Variants in ADCY8 observed in about 807,000 individuals in gnomAD.
ADCY8 encodes the protein adenylate cyclase 8, also known as adenylate cyclase type 8.
A neutral mutation model predicts 119.7 loss-of-function variants in ADCY8; 51 were observed. The observed-to-expected ratio is 0.43, with a 90% CI of 0.34 to 0.54. The LOEUF (loss-of-function observed/expected upper bound fraction) is 0.54. ADCY8 is among the 20% of genes least tolerant of loss of function. The pLI is 0.03. For synonymous variants in ADCY8, 665 were observed against 651.0 expected, an observed-to-expected ratio of 1.02 and a Z score of -0.33; for missense variants, 1,383 against 1,598.8, an observed-to-expected ratio of 0.87 and a Z score of 2.30.
intron 8 of ADCY8, among the ~76,000 whole-genome samples, chr8:130,877,501 C>T (rs114289151): frequency 0.012 from 1,902 of 152,276 alleles, 43 homozygotes; most frequent in African/African-American, 0.043. Flanking sequence ...AGAGTGAACA[C>T]TCTGAGCCAT....
At chr8:130,803,575 A>G (rs1266335100) in intron 14 of ADCY8, among the ~76,000 whole-genome samples, 1 of 152,244 alleles carries the variant, frequency 6.6e-6, no homozygotes, top group Non-Finnish European at 1.5e-5. Flanking sequence ...TTCGTAGGAA[A>G]CATGAAACCT....
chr8:130,905,515 T>C (rs891833828), intron 6 of ADCY8, among the ~76,000 whole-genome samples: 19 of 152,224 alleles, frequency 1.2e-4, no homozygotes, highest in Non-Finnish European at 1.5e-5. Context: ...AATATTTTGA[T>C]TGGCTTTTGG....
At chr8:130,844,391 A>G (rs1817236889) in intron 11 of ADCY8, among the ~76,000 whole-genome samples, 1 of 152,130 alleles carries the variant, frequency 6.6e-6, no homozygotes, top group Non-Finnish European at 1.5e-5. Flanking sequence ...GAACCAAGTT[A>G]TACTTTATAT....
intron 12 of ADCY8, among the ~76,000 whole-genome samples, chr8:130,834,464 T>C (rs1268373581): frequency 6.6e-6 from 1 of 152,176 alleles, no homozygotes; most frequent in Non-Finnish European, 1.5e-5. Flanking sequence ...GTCAGTCACA[T>C]TGGAGAGCAA....
chr8:130,977,580 A>G (rs1178290468), intron 2 of ADCY8, among the ~76,000 whole-genome samples: 2 of 152,246 alleles, frequency 1.3e-5, no homozygotes, highest in Admixed American at 1.3e-4. Flanking sequence ...ATAAATATGG[A>G]CTACACCACT....
At chr8:130,974,009 T>A (rs1821998191) in intron 2 of ADCY8, among the ~76,000 whole-genome samples, 2 of 152,306 alleles carry the variant, frequency 1.3e-5, no homozygotes, top group South Asian at 4.1e-4. Context: ...TTGGTAAGCT[T>A]GACACACAAG....
intron 5 of ADCY8, among the ~76,000 whole-genome samples, chr8:130,922,666 C>G (rs925269083): frequency 6.6e-6 from 1 of 152,148 alleles, no homozygotes; most frequent in Non-Finnish European, 1.5e-5. Flanking sequence ...ACCTTCCCCC[C>G]TTTCTATTCC....
At chr8:130,801,795 C>T (rs925319691) in intron 14 of ADCY8, among the ~76,000 whole-genome samples, 1 of 152,016 alleles carries the variant, frequency 6.6e-6, no homozygotes. Context: ...TGGACACCTG[C>T]AGATTGGTGT....
chr8:130,800,389 C>G, intron 15 of ADCY8, 37 bp downstream of exon 15: 1 of 1,612,732 alleles, frequency 6.2e-7, no homozygotes, highest in South Asian at 1.1e-5. Flanking sequence ...ACAACGATGC[C>G]CATTTGTGAT....
At chr8:130,840,654 G>A (rs544010565) in intron 11 of ADCY8, among the ~76,000 whole-genome samples, 1 of 152,174 alleles carries the variant, frequency 6.6e-6, no homozygotes, top group African/African-American at 2.4e-5. Context: ...ATTTCCTTTT[G>A]TAATGTCCTT....
chr8:130,840,660 T>C (rs1563686686), intron 11 of ADCY8, among the ~76,000 whole-genome samples: 1 of 152,214 alleles, frequency 6.6e-6, no homozygotes, highest in Non-Finnish European at 1.5e-5. Flanking sequence ...TTTTGTAATG[T>C]CCTTTAGTTT....
At chr8:130,805,178 A>G (rs2130129350) in intron 14 of ADCY8, among the ~76,000 whole-genome samples, 1 of 152,364 alleles carries the variant, frequency 6.6e-6, no homozygotes, top group Non-Finnish European at 1.5e-5. Flanking sequence ...ACAATGCAAA[A>G]GATTGCACAT....
chr8:130,809,727 C>T lies in ADCY8; in HGVS notation c.2913+4342G>A, dbSNP rs566165602. ...GAATACATGTCCTTCTGGCTTAATA[C>T]GTTGGGATTTTCCCACTAGGTCACA... is the stretch of plus-strand genomic sequence containing the variant. On this transcript the variant is annotated intron_variant, in intron 14 of 17. Coordinates refer to ENST00000286355, the MANE Select transcript of ADCY8 (RefSeq NM_001115.3). Among the ~76,000 whole-genome samples, 7 of 152,294 alleles carry T rather than the reference C, an allele frequency of 4.6e-5. No individual in the cohort carries two copies. In the East Asian group the frequency reaches 5.8e-4, roughly 13 times the overall value.
chr8:131,038,361 G>A (rs1329798), intron 1 of ADCY8, among the ~76,000 whole-genome samples: 91,475 of 152,052 alleles, frequency 0.6, 29,427 homozygotes, highest in African/African-American at 0.84. Context: ...CCAGCCATCT[G>A]TTTGAAAACA....
chr8:130,794,254 G>C (rs1475049378), intron 15 of ADCY8, among the ~76,000 whole-genome samples: 2 of 147,986 alleles, frequency 1.4e-5, no homozygotes, highest in East Asian at 4.9e-4. Flanking sequence ...TTGTTCGTTT[G>C]TTTGTTTTGA....
chr8:130,828,310 G>A lies in ADCY8; in HGVS notation c.2676-6890C>T, dbSNP rs575482843. ...ATATAGCTCAAGGGAAGGCGTACTTGTGATTTTTGAGGAACAGAGGGTCCC... is the reference window on the plus strand; with the variant it reads ...ATATAGCTCAAGGGAAGGCGTACTTATGATTTTTGAGGAACAGAGGGTCCC... On this transcript the variant is annotated intron_variant, in intron 12 of 17. Coordinates refer to ENST00000286355, the MANE Select transcript of ADCY8 (RefSeq NM_001115.3). 2.0e-5 allele frequency among the ~76,000 whole-genome samples: 3 copies of A among 152,340 alleles called. No homozygotes were observed. In the East Asian group the frequency reaches 5.8e-4, roughly 29 times the overall value.
chr8:130,943,075 T>C (rs1006561865), intron 4 of ADCY8, among the ~76,000 whole-genome samples: 11 of 152,142 alleles, frequency 7.2e-5, no homozygotes, highest in Admixed American at 2.6e-4. Flanking sequence ...GAAGCAATGA[T>C]AGGGGCGTGG....
At chr8:131,009,342 G>A (rs1823227085) in intron 1 of ADCY8, among the ~76,000 whole-genome samples, 1 of 152,184 alleles carries the variant, frequency 6.6e-6, no homozygotes, top group South Asian at 2.1e-4. Context: ...CATCAGCTTG[G>A]GCCATTGCTT....
chr8:130,838,723 T>C lies in ADCY8; in HGVS notation c.2503-2274A>G, dbSNP rs79260884. ...ATTTATAAAATGTAATAAGCATTTA[T>C]TGAGTGCCTATTACAATCAAGACAT... On this transcript the variant is annotated intron_variant, in intron 11 of 17. Transcript: ENST00000286355. Among the ~76,000 whole-genome samples, 37 of 141,854 alleles carry C rather than the reference T, an allele frequency of 2.6e-4. 10 individuals are homozygous for C. In the East Asian group the frequency reaches 7.9e-3, roughly 30 times the overall value. 93.1% of individuals were successfully genotyped at this position (141,854 alleles called of 152,430 possible). A position where few individuals can be genotyped will look rare whatever the true frequency, so the allele number is the denominator to read the frequency against.
Sources: allele counts gnomAD v4.1 joint callset (sites outside exome capture counted in the v4.1 genomes callset), GRCh38; gene constraint gnomAD v4.1.1; transcripts MANE v1.5; gene names NCBI Gene and HGNC (gene_info 2026-07-23, HGNC 2026-07-21).